The following VCAN variants were observed in gnomAD, a reference collection of about 807,000 sequenced individuals.
The protein encoded by VCAN is versican, also known as versican core protein.
VCAN carries 44 observed loss-of-function variants against 245.5 expected under a neutral mutation model. The observed-to-expected ratio is 0.18, with a 90% CI of 0.14 to 0.23. The LOEUF (loss-of-function observed/expected upper bound fraction) is 0.23. Ranked by LOEUF, VCAN falls within the 10% of genes least tolerant of loss-of-function variation. The pLI is 1.00. For missense variants in VCAN, 3,793 were observed against 4,057.9 expected (o/e 0.93, Z 1.77); for synonymous variants, 1,413 against 1,437.0 (o/e 0.98, Z 0.38).
In VCAN at chr5:83,550,034, C is replaced by T. The variant is rs142413444; in HGVS notation, c.9493+1950C>T. Among the ~76,000 whole-genome samples the T allele has an allele frequency of 1.8e-4, 28 of 152,232 alleles. No homozygotes were observed. The East Asian group carries it at 5.2e-3, about 28-fold the overall frequency. On this transcript the variant is annotated intron_variant, in intron 10 of 14. Transcript: ENST00000265077. The stretch of plus-strand genomic sequence containing the variant: ...CCGAAATAGGGGACACATTTTGGTG[C>T]AATAATTACAGATACAAAATCTAGA...
chr5:83,483,702 A>G (rs1224608894), intron 2 of VCAN, 114 bp downstream of exon 2: 1 of 1,003,962 alleles, frequency 1.0e-6, no homozygotes, highest in Non-Finnish European at 1.5e-6. Flanking sequence ...AAATCTATTA[A>G]GTGCTGAAAA....
In VCAN at chr5:83,496,925, A is replaced by C. The variant is rs368154015; in HGVS notation, c.748+2994A>C. On this transcript the variant is annotated intron_variant, in intron 5 of 14. Transcript: ENST00000265077. ...GTATTTCAATTGTCACGTTGATAAA[A>C]GATTATTTGAAGGTGAGTCAAGATT... Among the ~76,000 whole-genome samples the C allele has an allele frequency of 2.5e-4, 38 of 152,354 alleles. No individual in the cohort carries two copies. In the South Asian group the frequency reaches 7.9e-3, roughly 32 times the overall value.
intron 5 of VCAN, among the ~76,000 whole-genome samples, chr5:83,510,524 G>T (rs1366692273): frequency 6.6e-6 from 1 of 152,172 alleles, no homozygotes; most frequent in East Asian, 1.9e-4. Flanking sequence ...ACAATAGTGG[G>T]CTATCAACAT....
At chr5:83,530,525 A>G (rs537860561) in intron 7 of VCAN, among the ~76,000 whole-genome samples, 2 of 152,274 alleles carry the variant, frequency 1.3e-5, no homozygotes, top group Admixed American at 1.3e-4. Context: ...AGCAATAGGA[A>G]TAAAAGAAAA....
intron 13 of VCAN, among the ~76,000 whole-genome samples, chr5:83,577,679 AT>A (rs1293680792): frequency 1.1e-4 from 16 of 152,274 alleles, no homozygotes; most frequent in Non-Finnish European, 2.2e-4. Flanking sequence ...TGCCTCTTAT[AT>A]TTATATATTT....
At chr5:83,546,828 A>G (rs1399488699) in intron 9 of VCAN, among the ~76,000 whole-genome samples, 1 of 152,166 alleles carries the variant, frequency 6.6e-6, no homozygotes, top group Non-Finnish European at 1.5e-5. Flanking sequence ...ACATTATATG[A>G]CTAAGAAATT....
intron 3 of VCAN, among the ~76,000 whole-genome samples, chr5:83,491,735 C>G (rs909748877): frequency 6.6e-6 from 1 of 152,184 alleles, no homozygotes; most frequent in African/African-American, 2.4e-5. Flanking sequence ...ATGGGGTCTT[C>G]AAATTATTCC....
chr5:83,526,217 C>T (rs192970077), intron 7 of VCAN, among the ~76,000 whole-genome samples: 1 of 152,194 alleles, frequency 6.6e-6, no homozygotes, highest in South Asian at 2.1e-4. Flanking sequence ...GGATTACAGG[C>T]ATGAGCCACT....
At position 83,537,121 on chromosome 5, in the gene VCAN, C is replaced by T; in HGVS notation, c.4118C>T (p.Pro1373Leu). ...PVHDLMAEIL[P>L]EFPDIIEIDL... Reference sequence around the variant, plus strand: ...CATGATCTAATGGCTGAAATTTTACCTGAATTCCCTGACATAATTGAAATA... The same window carrying T: ...CATGATCTAATGGCTGAAATTTTACTTGAATTCCCTGACATAATTGAAATA... Residue 1373 changes from proline to leucine, a missense_variant, in exon 8 of 15, where the codon CCT becomes CTT. Coordinates refer to ENST00000265077, the MANE Select transcript of VCAN (RefSeq NM_004385.5). 6.2e-7 allele frequency: 1 copy of T among 1,613,664 alleles called. No homozygotes were observed. The highest frequency in any genetic ancestry group is 8.5e-7 in the Non-Finnish European group (1 of 1,179,838).
At chr5:83,555,349 A>G (rs1747630932) in intron 12 of VCAN, among the ~76,000 whole-genome samples, 1 of 152,228 alleles carries the variant, frequency 6.6e-6, no homozygotes, top group Non-Finnish European at 1.5e-5. Context: ...TTCTAGCTTC[A>G]GAGCAAAAAG....
chr5:83,482,166 C>T (rs1372005399), intron 1 of VCAN, among the ~76,000 whole-genome samples: 2 of 152,198 alleles, frequency 1.3e-5, no homozygotes. Context: ...GATTCTTTCT[C>T]AGCTTCATTT....
At chr5:83,574,774 T>A (rs978769934) in intron 13 of VCAN, among the ~76,000 whole-genome samples, 3 of 152,204 alleles carry the variant, frequency 2.0e-5, no homozygotes, top group Admixed American at 1.3e-4. Flanking sequence ...GCCATCCTTA[T>A]ATCTGTAGTT....
chr5:83,528,777 T>C (rs2112424495), intron 7 of VCAN, among the ~76,000 whole-genome samples: 1 of 152,256 alleles, frequency 6.6e-6, no homozygotes, highest in South Asian at 2.1e-4. Flanking sequence ...TTCAAGTGAA[T>C]ACTGAATCAG....
In VCAN at chr5:83,541,672, C is replaced by T. The variant is rs780680672; in HGVS notation, c.8669C>T (p.Pro2890Leu). 6.2e-7 allele frequency: 1 copy of T among 1,613,836 alleles called. No individual in the cohort carries two copies. The stretch of plus-strand genomic sequence containing the variant: ...GAATACCTTCACATAACTGAGCCTC[C>T]CTCTTTATCTCCTGACACAAAATTA... ...SEEYLHITEP[P>L]SLSPDTKLEP... Residue 2890 changes from proline to leucine, a missense_variant, in exon 8 of 15, where the codon CCC becomes CTC. By Grantham distance (98) the Pro-to-Leu change is moderately conservative. Around this residue, in one of 5 missense-constraint regions of VCAN, gnomAD observed 3,182 missense variants for 3,250.3 expected, o/e 0.98. Transcript: ENST00000265077.
In VCAN at chr5:83,520,781, A is replaced by C; in HGVS notation, c.2475A>C (p.Lys825Asn). 1 of 1,614,126 alleles carries C rather than the reference A, an allele frequency of 6.2e-7. No homozygotes were observed. Among genetic ancestry groups the C allele is most frequent in the Non-Finnish European group, 8.5e-7 (1 of 1,179,982 alleles). Residue 825 changes from lysine to asparagine, a missense_variant, in exon 7 of 15, where the codon AAA (lysine) becomes AAC (asparagine). By Grantham distance (94) the Lys-to-Asn change is moderately conservative. Transcript: ENST00000265077. ...CTACAGAACCTTCAGCCTCTTCAAA[A>C]TTGCCCCCTGCCTTACTCACAACTG... is the stretch of plus-strand genomic sequence containing the variant. ...LESTEPSASS[K>N]LPPALLTTVG...
intron 13 of VCAN, among the ~76,000 whole-genome samples, chr5:83,578,361 T>C (rs1002898672): frequency 7.9e-5 from 12 of 151,832 alleles, no homozygotes; most frequent in African/African-American, 2.9e-4. Context: ...GGGAGAAGAT[T>C]AGAAAAATAA....
chr5:83,503,227 A>G (rs1288724301), intron 5 of VCAN, among the ~76,000 whole-genome samples: 1 of 151,104 alleles, frequency 6.6e-6, no homozygotes, highest in Non-Finnish European at 1.5e-5. Flanking sequence ...AGAGAGAGAT[A>G]GAGAGAGAGA....
At chr5:83,532,538 C>A (rs1746560964) in intron 7 of VCAN, among the ~76,000 whole-genome samples, 1 of 151,930 alleles carries the variant, frequency 6.6e-6, no homozygotes, top group South Asian at 2.1e-4. Flanking sequence ...GGGTAATTAA[C>A]ATTTCTCTCT....
chr5:83,543,718 AGAGTT>A (rs1747091231), intron 8 of VCAN, among the ~76,000 whole-genome samples: 1 of 152,230 alleles, frequency 6.6e-6, no homozygotes, highest in African/African-American at 2.4e-5. Context: ...AGGTACATAT[AGAGTT>A]AAGTTTGATG....
Sources: allele counts gnomAD v4.1 joint callset (sites outside exome capture counted in the v4.1 genomes callset), GRCh38; gene constraint gnomAD v4.1.1; regional missense constraint gnomAD v4.1.1; transcripts MANE v1.5; gene names NCBI Gene and HGNC (gene_info 2026-07-23, HGNC 2026-07-21).